ITSN1: variants seen among roughly 807,000 people sequenced by gnomAD.
ITSN1 encodes intersectin-1.
ITSN1 carries 58 observed loss-of-function variants against 239.8 expected under a neutral mutation model. The observed-to-expected ratio is 0.24, with a 90% CI of 0.20 to 0.30. ITSN1 has a LOEUF of 0.30. Among genes scored for constraint, ITSN1 ranks in the 10% least tolerant of loss-of-function variants. The pLI is 1.00. For synonymous variants in ITSN1, 780 were observed against 770.8 expected (o/e 1.01, Z -0.20); for missense variants, 1,558 against 2,103.3 (o/e 0.74, Z 5.07).
Position 33,742,867 on chromosome 21 carries a change from A to G in ITSN1, c.347-7276A>G, listed in dbSNP as rs112935932. ...GGTCAAATCCACTGCAGAAAGTGTC[A>G]AGCAAGGTCAAATAACACAAAGTTA... On this transcript the variant is annotated intron_variant, in intron 5 of 39. Coordinates refer to ENST00000381318, the MANE Select transcript of ITSN1 (RefSeq NM_003024.3). Among the ~76,000 whole-genome samples the G allele has an allele frequency of 7.2e-3, 1,096 of 152,328 alleles. 14 individuals carry two copies. The highest frequency in any genetic ancestry group is 0.025 in the African/African-American group (1,043 of 41,566).
chr21:33,874,178 A>AAAAAAAAAAG (rs750088086), intron 33 of ITSN1, among the ~76,000 whole-genome samples: 1 of 130,814 alleles, frequency 7.6e-6, no homozygotes, highest in Non-Finnish European at 1.6e-5. Flanking sequence ...AAAAAAAAAA[A>AAAAAAAAAAG]GAACATTTAT....
At chr21:33,720,134 C>T (rs1033129436) in intron 2 of ITSN1, among the ~76,000 whole-genome samples, 2 of 152,180 alleles carry the variant, frequency 1.3e-5, no homozygotes, top group East Asian at 3.8e-4. Context: ...AAAATTTCTT[C>T]TAGAAGTTGC....
In ITSN1 at chr21:33,889,742, A is replaced by G. The variant is rs1602739065; in HGVS notation, c.*1442A>G. The G allele has an allele frequency of 6.6e-6, 1 of 152,204 alleles. No homozygotes were observed. Among genetic ancestry groups the G allele is most frequent in the Non-Finnish European group, 1.5e-5 (1 of 68,028 alleles). 9.4% of individuals were successfully genotyped at this position (152,204 alleles called of 1,614,324 possible). Reference sequence around the variant, plus strand: ...CTTTGATTGTAGGTCCTTAGACTTTAATTAGGGTTATCAAAGTGCTTTCTA... The same window carrying G: ...CTTTGATTGTAGGTCCTTAGACTTTGATTAGGGTTATCAAAGTGCTTTCTA... On this transcript the variant is annotated 3_prime_UTR_variant, in exon 40 of 40. Coordinates refer to ENST00000381318, the MANE Select transcript of ITSN1 (RefSeq NM_003024.3).
chr21:33,798,674 GAA>G (rs1367556452), intron 18 of ITSN1, among the ~76,000 whole-genome samples: 1 of 152,028 alleles, frequency 6.6e-6, no homozygotes, highest in Non-Finnish European at 1.5e-5. Flanking sequence ...TATACAGAAA[GAA>G]AAGAAAGAAA....
At chr21:33,673,173 A>G (rs1433017533) in intron 1 of ITSN1, among the ~76,000 whole-genome samples, 2 of 152,230 alleles carry the variant, frequency 1.3e-5, no homozygotes, top group Non-Finnish European at 2.9e-5. Context: ...AAAGAAAAAT[A>G]TTGCAAGATC....
intron 1 of ITSN1, among the ~76,000 whole-genome samples, chr21:33,646,975 G>A (rs556142615): frequency 6.6e-6 from 1 of 151,282 alleles, no homozygotes; most frequent in African/African-American, 2.4e-5. Flanking sequence ...GACAGAGCAA[G>A]GCCCTGTCTC....
chr21:33,709,512 C>A (rs1402586941), intron 1 of ITSN1, among the ~76,000 whole-genome samples: 1 of 152,142 alleles, frequency 6.6e-6, no homozygotes, highest in Non-Finnish European at 1.5e-5. Context: ...GAACTCCTGT[C>A]CTCAGGTGAC....
At chr21:33,828,642 C>A (rs1204901952) in intron 26 of ITSN1, among the ~76,000 whole-genome samples, 1 of 151,486 alleles carries the variant, frequency 6.6e-6, no homozygotes, top group Non-Finnish European at 1.5e-5. Context: ...TCTTTTTTTT[C>A]TGTCCTTCTT....
At chr21:33,808,411 C>A (rs984971488) in intron 20 of ITSN1, among the ~76,000 whole-genome samples, 4 of 152,040 alleles carry the variant, frequency 2.6e-5, no homozygotes, top group African/African-American at 7.2e-5. Flanking sequence ...ATGGTGAAAC[C>A]CCATGTCTAC....
intron 1 of ITSN1, among the ~76,000 whole-genome samples, chr21:33,709,087 A>T (rs557326287): frequency 6.6e-6 from 1 of 152,286 alleles, no homozygotes; most frequent in South Asian, 2.1e-4. Flanking sequence ...TAAATCTTTC[A>T]ACTTTGTTCT....
intron 33 of ITSN1, among the ~76,000 whole-genome samples, chr21:33,874,080 C>T (rs900782104): frequency 3.6e-5 from 5 of 137,956 alleles, no homozygotes; most frequent in South Asian, 2.4e-4. Context: ...GCTTGAAACC[C>T]GGGAGGCAGA....
chr21:33,879,010 C>T (rs1984462559), intron 34 of ITSN1, among the ~76,000 whole-genome samples: 1 of 152,074 alleles, frequency 6.6e-6, no homozygotes, highest in Non-Finnish European at 1.5e-5. Context: ...ACGGGGGACT[C>T]TCGGGCCCTG....
intron 14 of ITSN1, among the ~76,000 whole-genome samples, chr21:33,780,185 A>T (rs553472968): frequency 4.8e-4 from 73 of 152,354 alleles, no homozygotes; most frequent in African/African-American, 1.6e-3. Context: ...TTTAGGGATG[A>T]AGGCCATGTG....
At chr21:33,843,867 G>A (rs562783864) in intron 29 of ITSN1, among the ~76,000 whole-genome samples, 1 of 152,318 alleles carries the variant, frequency 6.6e-6, no homozygotes, top group Non-Finnish European at 1.5e-5. Context: ...ATGACATCTA[G>A]CAGAAAATAA....
rs759834978 is a variant in ITSN1, at chr21:33,882,766, A to G, written c.4554+311A>G. ...GGTACAGATGAGGCAGGTGTGAAAA[A>G]GCTCGGGAGAAGAGGTGCAAAACAG... is the stretch of plus-strand genomic sequence containing the variant. On this transcript the variant is annotated intron_variant, in intron 35 of 39. Transcript: ENST00000381318. The surrounding 1 kb of genome is among the most constrained non-coding windows in gnomAD (Gnocchi z 4.5). Among the ~76,000 whole-genome samples the G allele has an allele frequency of 5.3e-5, 8 of 152,104 alleles. No individual in the cohort carries two copies. Among genetic ancestry groups the G allele is most frequent in the Non-Finnish European group, 1.0e-4 (7 of 68,018 alleles).
At chr21:33,661,953 T>G (rs2089593589) in intron 1 of ITSN1, among the ~76,000 whole-genome samples, 1 of 152,020 alleles carries the variant, frequency 6.6e-6, no homozygotes, top group African/African-American at 2.4e-5. Context: ...ACGTAAGAAT[T>G]TTGACCATCT....
chr21:33,695,004 T>C (rs1485763955), intron 1 of ITSN1, among the ~76,000 whole-genome samples: 1 of 152,182 alleles, frequency 6.6e-6, no homozygotes, highest in Non-Finnish European at 1.5e-5. Flanking sequence ...TTTGTAGAGA[T>C]GAGGTCTTAC....
chr21:33,709,264 G>C (rs936891648), intron 1 of ITSN1, among the ~76,000 whole-genome samples: 1 of 152,096 alleles, frequency 6.6e-6, no homozygotes, highest in African/African-American at 2.4e-5. Flanking sequence ...TAGTATCTTA[G>C]TACCATTTAT....
intron 1 of ITSN1, among the ~76,000 whole-genome samples, chr21:33,664,288 T>C (rs188403490): frequency 1.3e-5 from 2 of 152,212 alleles, no homozygotes; most frequent in Admixed American, 1.3e-4. Flanking sequence ...TCCTCATACA[T>C]TGTTGGTGTG....
Sources: allele counts gnomAD v4.1 joint callset (sites outside exome capture counted in the v4.1 genomes callset), GRCh38; gene constraint gnomAD v4.1.1; non-coding constraint Gnocchi (gnomAD v3.1); transcripts MANE v1.5; gene names NCBI Gene and HGNC (gene_info 2026-07-23, HGNC 2026-07-21).